The following DLG2 variants were observed in gnomAD, a reference collection of about 807,000 sequenced individuals.
DLG2 encodes disks large homolog 2.
A neutral mutation model predicts 132.5 loss-of-function variants in DLG2; 45 were observed. The ratio of observed to expected loss-of-function variants is 0.34; its 90% CI spans 0.27 to 0.44. The LOEUF is 0.44. Ranked by LOEUF, DLG2 falls within the 20% of genes least tolerant of loss-of-function variation. The pLI, the probability that DLG2 is intolerant of heterozygous loss-of-function variation, is 1.00. For missense variants in DLG2, 1,045 were observed against 1,196.9 expected, an observed-to-expected ratio of 0.87 and a Z score of 1.87; for synonymous variants, 424 against 419.6, an observed-to-expected ratio of 1.01 and a Z score of -0.13.
At chr11:85,222,681 C>A (rs940244913) in intron 4 of DLG2, among the ~76,000 whole-genome samples, 3 of 152,220 alleles carry the variant, frequency 2.0e-5, no homozygotes, top group African/African-American at 7.2e-5. Flanking sequence ...GTGCTTTTAA[C>A]TACTCTGCTA....
In DLG2 at chr11:85,199,513, C is replaced by T. The variant is rs180795895; in HGVS notation, c.187-44862G>A. 2.0e-3 allele frequency among the ~76,000 whole-genome samples: 303 copies of T among 152,212 alleles called. 1 individual carries two copies. Among genetic ancestry groups the T allele is most frequent in the Non-Finnish European group, 3.4e-3 (231 of 68,010 alleles). ...TTGAACCAAGCACTTAAGGTCTATGCGTGTTATTGGATATAAATTATAACT... is the reference window on the plus strand; with the variant it reads ...TTGAACCAAGCACTTAAGGTCTATGTGTGTTATTGGATATAAATTATAACT... On this transcript the variant is annotated intron_variant, in intron 4 of 27. Coordinates refer to ENST00000376104, the MANE Select transcript of DLG2 (RefSeq NM_001142699.3).
intron 6 of DLG2, among the ~76,000 whole-genome samples, chr11:84,783,549 C>T (rs982105324): frequency 2.0e-5 from 3 of 152,086 alleles, no homozygotes; most frequent in South Asian, 2.1e-4. Flanking sequence ...TCCTTCTCTG[C>T]GGTCTCATGG....
intron 7 of DLG2, among the ~76,000 whole-genome samples, chr11:84,324,910 T>C (rs1160225347): frequency 3.9e-5 from 6 of 152,134 alleles, no homozygotes; most frequent in Non-Finnish European, 5.9e-5. Context: ...AAGTTCCAGA[T>C]TTTTTGTGTG....
intron 6 of DLG2, among the ~76,000 whole-genome samples, chr11:85,026,986 A>C (rs1033438369): frequency 6.8e-6 from 1 of 147,392 alleles, no homozygotes; most frequent in South Asian, 2.3e-4. Flanking sequence ...CGTTTCTAAT[A>C]ACAAAGGATT....
At chr11:84,316,883 C>T in intron 7 of DLG2, 1 of 1,612,844 alleles carries the variant, frequency 6.2e-7, no homozygotes, top group Non-Finnish European at 8.5e-7. Context: ...AGTCCCTTTG[C>T]CCTTGGTGCT....
In DLG2 at chr11:85,508,326, A is replaced by G. The variant is rs572219617; in HGVS notation, c.40+90331T>C. Reference sequence around the variant, plus strand: ...GTGACATGCTTGATGTTTCTCCAACATGCCATCTACACCATGTACACTCCT... The same window carrying G: ...GTGACATGCTTGATGTTTCTCCAACGTGCCATCTACACCATGTACACTCCT... On this transcript the variant is annotated intron_variant, in intron 3 of 27. Transcript: ENST00000376104. Among the ~76,000 whole-genome samples the G allele has an allele frequency of 5.3e-5, 8 of 150,866 alleles. No individual in the cohort carries two copies. In the East Asian group the frequency reaches 1.4e-3, roughly 26 times the overall value.
At position 85,028,903 on chromosome 11, in the gene DLG2, C is replaced by T. The variant is rs766489838; in HGVS notation, c.357+82758G>A. ...GCTCCAACTGGCTCTGTGGAGCGCGCAGCCCCAGCTGTGCCTACCCCGCTG... is the reference window on the plus strand; with the variant it reads ...GCTCCAACTGGCTCTGTGGAGCGCGTAGCCCCAGCTGTGCCTACCCCGCTG... On this transcript the variant is annotated intron_variant, in intron 6 of 27. Coordinates refer to ENST00000376104, the MANE Select transcript of DLG2 (RefSeq NM_001142699.3). Among the ~76,000 whole-genome samples the T allele has an allele frequency of 2.3e-4, 35 of 152,322 alleles. No homozygotes were observed. In the East Asian group the frequency reaches 3.9e-3, roughly 17 times the overall value.
chr11:83,912,096 T>A lies in DLG2; in HGVS notation c.1496+18232A>T, dbSNP rs145516486. Among the ~76,000 whole-genome samples, 13 of 152,054 alleles carry A rather than the reference T, an allele frequency of 8.5e-5. No homozygotes were observed. The East Asian group carries it at 2.5e-3, about 29-fold the overall frequency. On this transcript the variant is annotated intron_variant, in intron 15 of 27. Coordinates refer to ENST00000376104, the MANE Select transcript of DLG2 (RefSeq NM_001142699.3). ...TGAGGGGCTATCAGCATACAAGGGC[T>A]GTCATATAATGCAGCTATATAGAAA... is the stretch of plus-strand genomic sequence containing the variant.
At chr11:85,594,885 G>T (rs1484797228) in intron 3 of DLG2, among the ~76,000 whole-genome samples, 2 of 151,838 alleles carry the variant, frequency 1.3e-5, no homozygotes, top group South Asian at 2.1e-4. Context: ...GACCAACATG[G>T]TTAAAGCCCG....
At chr11:85,026,752 G>C (rs1460344427) in intron 6 of DLG2, among the ~76,000 whole-genome samples, 1 of 152,042 alleles carries the variant, frequency 6.6e-6, no homozygotes, top group Non-Finnish European at 1.5e-5. Context: ...CAGAAGAATG[G>C]CGTGAACTGG....
chr11:84,742,504 A>T (rs1337860509), intron 6 of DLG2, among the ~76,000 whole-genome samples: 1 of 152,196 alleles, frequency 6.6e-6, no homozygotes, highest in African/African-American at 2.4e-5. Context: ...TTTTTAGAGC[A>T]ATTTTATATT....
At chr11:85,140,534 C>T (rs962802502) in intron 5 of DLG2, among the ~76,000 whole-genome samples, 6 of 151,524 alleles carry the variant, frequency 4.0e-5, no homozygotes, top group African/African-American at 1.5e-4. Context: ...ATCAGGGTAA[C>T]TGGGATATCC....
At chr11:85,527,935 C>A (rs2074903526) in intron 3 of DLG2, among the ~76,000 whole-genome samples, 2 of 152,216 alleles carry the variant, frequency 1.3e-5, no homozygotes. Flanking sequence ...ATTTGCATTT[C>A]TCTAATGACC....
chr11:84,112,428 G>A (rs2093412158), intron 9 of DLG2, among the ~76,000 whole-genome samples: 1 of 123,376 alleles, frequency 8.1e-6, no homozygotes, highest in Non-Finnish European at 1.7e-5. Context: ...TGTTCCTGCT[G>A]TTTTTTTTCT....
chr11:84,842,585 C>T (rs1305773089), intron 6 of DLG2, among the ~76,000 whole-genome samples: 1 of 151,968 alleles, frequency 6.6e-6, no homozygotes, highest in East Asian at 1.9e-4. Flanking sequence ...ACAAATGCCC[C>T]GTCCAGAGCA....
chr11:84,484,185 T>C (rs960674236), intron 7 of DLG2, among the ~76,000 whole-genome samples: 1 of 152,114 alleles, frequency 6.6e-6, no homozygotes, highest in Admixed American at 6.6e-5. Context: ...AGCAAGTAAA[T>C]AGATATTTAC....
At chr11:83,946,131 A>G (rs188597705) in intron 14 of DLG2, among the ~76,000 whole-genome samples, 11,597 of 151,622 alleles carry the variant, frequency 0.076, 608 homozygotes, top group Non-Finnish European at 0.12. Context: ...CTGGGATTAC[A>G]AGTGCCCACC....
At chr11:83,473,265 G>C (rs886253822) in intron 22 of DLG2, among the ~76,000 whole-genome samples, 1 of 152,030 alleles carries the variant, frequency 6.6e-6, no homozygotes, top group African/African-American at 2.4e-5. Context: ...GGACACTCAG[G>C]GTTTTACTCT....
chr11:85,603,066 G>A (rs1165401419), intron 2 of DLG2, among the ~76,000 whole-genome samples: 3 of 152,098 alleles, frequency 2.0e-5, no homozygotes, highest in Non-Finnish European at 4.4e-5. Flanking sequence ...TAGAAATATA[G>A]AAATAAATGT....
Sources: allele counts gnomAD v4.1 joint callset (sites outside exome capture counted in the v4.1 genomes callset), GRCh38; gene constraint gnomAD v4.1.1; transcripts MANE v1.5; gene names NCBI Gene and HGNC (gene_info 2026-07-23, HGNC 2026-07-21).